Variants in RIMS1 observed in about 807,000 individuals in gnomAD.
The protein encoded by RIMS1 is regulating synaptic membrane exocytosis 1.
In RIMS1, 83 loss-of-function variants were observed where a neutral mutation model predicts 214.1. The observed-to-expected ratio is 0.39, with a 90% CI of 0.32 to 0.47. The LOEUF (loss-of-function observed/expected upper bound fraction) is 0.47. Among genes scored for constraint, RIMS1 ranks in the 20% least tolerant of loss-of-function variants. The probability of loss-of-function intolerance (pLI) is 0.99; values close to 1 mark genes in which losing one functional copy is unlikely to be tolerated. For missense variants in RIMS1, 2,050 were observed against 2,161.8 expected (o/e 0.95, Z 1.03); for synonymous variants, 793 against 786.8 (o/e 1.01, Z -0.13).
chr6:72,355,938 T>C (rs1440876321), intron 29 of RIMS1, among the ~76,000 whole-genome samples: 9 of 152,210 alleles, frequency 5.9e-5, no homozygotes, highest in African/African-American at 2.2e-4. Flanking sequence ...GAAGATTCTG[T>C]TGTTGCGTTC....
chr6:71,997,168 G>A (rs192873839), intron 2 of RIMS1, among the ~76,000 whole-genome samples: 2 of 152,194 alleles, frequency 1.3e-5, no homozygotes, highest in African/African-American at 4.8e-5. Context: ...TGTAATTTTA[G>A]AATAGGGATA....
At chr6:71,898,282 T>C (rs953540318) in intron 1 of RIMS1, among the ~76,000 whole-genome samples, 1 of 152,188 alleles carries the variant, frequency 6.6e-6, no homozygotes, top group Middle Eastern at 3.2e-3. Context: ...TGATTTGATA[T>C]TTAGAATTAG....
At chr6:72,391,067 G>T (rs936269085) in intron 30 of RIMS1, among the ~76,000 whole-genome samples, 1 of 152,170 alleles carries the variant, frequency 6.6e-6, no homozygotes, top group Non-Finnish European at 1.5e-5. Context: ...GAAACTCATA[G>T]TCTGTCCCTG....
rs551690771 is a variant in RIMS1 at position 72,062,429 on chromosome 6, GGAGAATA to G, written c.246-34518_246-34512del. Among the ~76,000 whole-genome samples, 445 of 152,098 alleles carry G rather than the reference GGAGAATA, an allele frequency of 2.9e-3. 1 individual carries two copies. The highest frequency in any genetic ancestry group is 0.01 in the African/African-American group (421 of 41,486). The stretch of plus-strand genomic sequence containing the variant: ...AACCTTTGTTAAGTACTGACTATAT[GGAGAATA>G]GTTTGCTAGTTATCAGATGGGTTAA... On this transcript the variant is annotated intron_variant, in intron 2 of 33. Coordinates refer to ENST00000521978, the MANE Select transcript of RIMS1 (RefSeq NM_014989.7).
chr6:72,098,539 C>G (rs2032606708), intron 3 of RIMS1, among the ~76,000 whole-genome samples: 1 of 149,238 alleles, frequency 6.7e-6, no homozygotes, highest in Non-Finnish European at 1.5e-5. Flanking sequence ...AGGTGATCCG[C>G]CCGTCTCGGC....
rs1380183610 is a variant in RIMS1, at chr6:72,265,935, A to G, written c.3309-25A>G. The G allele has an allele frequency of 4.0e-6, 6 of 1,498,874 alleles. No homozygotes were observed. In the East Asian group the frequency reaches 1.4e-4, roughly 36 times the overall value. The allele number at this position is 1,498,874 out of a possible 1,614,324, so 92.8% of individuals were successfully genotyped here. On this transcript the variant is annotated intron_variant, in intron 21 of 33. Coordinates refer to ENST00000521978, the MANE Select transcript of RIMS1 (RefSeq NM_014989.7). ...GTTTTCTCTGTCTTTCTCTTCTACCACTGGATGCAATGCACTGGCACTAGT... is the reference window on the plus strand; with the variant it reads ...GTTTTCTCTGTCTTTCTCTTCTACCGCTGGATGCAATGCACTGGCACTAGT...
At chr6:72,138,344 T>C (rs2041636623) in intron 4 of RIMS1, among the ~76,000 whole-genome samples, 1 of 152,156 alleles carries the variant, frequency 6.6e-6, no homozygotes, top group Admixed American at 6.5e-5. Flanking sequence ...TACAAACCAG[T>C]TTTAGAACAT....
Position 72,240,947 on chromosome 6 carries a change from C to T in RIMS1, c.1958-1367C>T, listed in dbSNP as rs1410483907. 6.6e-5 allele frequency among the ~76,000 whole-genome samples: 10 copies of T among 152,038 alleles called. No individual in the cohort carries two copies. In the South Asian group the frequency reaches 1.7e-3, roughly 25 times the overall value. ...AGGAGGATCGCTTGAACCTGGGAGG[C>T]GGAGGTTGCAGTGAGCCGAGATTGC... On this transcript the variant is annotated intron_variant, in intron 9 of 33. Transcript: ENST00000521978.
chr6:72,122,950 G>GT (rs1440859832), intron 4 of RIMS1, among the ~76,000 whole-genome samples: 2 of 151,690 alleles, frequency 1.3e-5, no homozygotes, highest in East Asian at 1.9e-4. Flanking sequence ...TTTTTTGAAG[G>GT]TTTTTTTGTG....
chr6:72,020,729 T>C (rs1182040997), intron 2 of RIMS1, among the ~76,000 whole-genome samples: 2 of 152,168 alleles, frequency 1.3e-5, no homozygotes. Context: ...GTCTCTTTAG[T>C]GGGATAGTGC....
intron 29 of RIMS1, 117 bp downstream of exon 29, chr6:72,333,952 AATTT>A: frequency 2.6e-6 from 2 of 754,950 alleles, no homozygotes; most frequent in East Asian, 5.5e-5. Context: ...TTGAAAAGAA[AATTT>A]ATTTTTCTGT....
chr6:72,363,054 G>A (rs2097877093), intron 29 of RIMS1, among the ~76,000 whole-genome samples: 1 of 152,136 alleles, frequency 6.6e-6, no homozygotes, highest in African/African-American at 2.4e-5. Context: ...TTATGAAGAG[G>A]TATAGGGCCC....
chr6:72,055,075 TA>T (rs1825795371), intron 2 of RIMS1, among the ~76,000 whole-genome samples: 2 of 152,192 alleles, frequency 1.3e-5, no homozygotes, highest in African/African-American at 4.8e-5. Flanking sequence ...TTTAAGTCTT[TA>T]ATCCATCTTG....
chr6:72,056,121 T>A (rs1003113308), intron 2 of RIMS1, among the ~76,000 whole-genome samples: 43 of 151,740 alleles, frequency 2.8e-4, no homozygotes, highest in African/African-American at 1.0e-3. Context: ...GCAACATGGA[T>A]GGAGCTGGAG....
chr6:71,921,429 A>G (rs1779955311), intron 1 of RIMS1, among the ~76,000 whole-genome samples: 1 of 152,176 alleles, frequency 6.6e-6, no homozygotes, highest in East Asian at 1.9e-4. Flanking sequence ...GCCATTATTT[A>G]GCTACTTTCT....
At chr6:72,187,062 GT>G (rs1198443057) in intron 6 of RIMS1, among the ~76,000 whole-genome samples, 4 of 152,124 alleles carry the variant, frequency 2.6e-5, no homozygotes, top group African/African-American at 9.7e-5. Flanking sequence ...TGAGGTGGAG[GT>G]TGCGGTGAGC....
intron 4 of RIMS1, among the ~76,000 whole-genome samples, chr6:72,122,138 A>T (rs2038488507): frequency 6.6e-6 from 1 of 150,826 alleles, no homozygotes; most frequent in South Asian, 2.1e-4. Context: ...TGTCTCTGCC[A>T]GGCTTTGGTA....
chr6:72,306,693 G>A (rs1239368209), intron 26 of RIMS1, among the ~76,000 whole-genome samples: 1 of 152,160 alleles, frequency 6.6e-6, no homozygotes, highest in Non-Finnish European at 1.5e-5. Flanking sequence ...TAATCTTTTA[G>A]TAAGTCAGTT....
At chr6:72,377,915 G>A (rs1033838465) in intron 29 of RIMS1, among the ~76,000 whole-genome samples, 1 of 152,094 alleles carries the variant, frequency 6.6e-6, no homozygotes, top group Admixed American at 6.5e-5. Flanking sequence ...AGTAATGGTC[G>A]TGTAAGTTGT....
Sources: allele counts gnomAD v4.1 joint callset (sites outside exome capture counted in the v4.1 genomes callset), GRCh38; gene constraint gnomAD v4.1.1; transcripts MANE v1.5; gene names NCBI Gene and HGNC (gene_info 2026-07-23, HGNC 2026-07-21).